The following A1CF variants were observed in gnomAD, a reference collection of about 807,000 sequenced individuals.
A1CF encodes APOBEC1 complementation factor, also known as APOBEC-1 stimulating protein.
A neutral mutation model predicts 68.9 loss-of-function variants in A1CF; 48 were observed. The ratio of observed to expected loss-of-function variants is 0.70; its 90% CI spans 0.55 to 0.89. The LOEUF (loss-of-function observed/expected upper bound fraction) is 0.89. Among genes scored for constraint, A1CF ranks in the 40% least tolerant of loss-of-function variants. The pLI is 0.00. For synonymous variants in A1CF, 272 were observed against 260.4 expected, an observed-to-expected ratio of 1.04 and a Z score of -0.43; for missense variants, 653 against 718.9, an observed-to-expected ratio of 0.91 and a Z score of 1.05.
chr10:50,806,691 GTT>G lies in A1CF; in HGVS notation c.*36_*37del. On this transcript the variant is annotated 3_prime_UTR_variant, in exon 13 of 13. Transcript: ENST00000373997. ...TTATTTCTTTTTTTTTTTTAATAGA[GTT>G]TTGTGTGTCTTATTCTTAAATTTAA... The G allele has an allele frequency of 6.6e-7, 1 of 1,521,610 alleles. No homozygotes were observed. Among genetic ancestry groups the G allele is most frequent in the Non-Finnish European group, 8.8e-7 (1 of 1,134,708 alleles). 94.3% of individuals were successfully genotyped at this position (1,521,610 alleles called of 1,614,324 possible).
chr10:50,821,514 G>A (rs116511582), intron 7 of A1CF, among the ~76,000 whole-genome samples: 384 of 151,552 alleles, frequency 2.5e-3, no homozygotes, highest in African/African-American at 9.0e-3. Context: ...AGACCTGTAT[G>A]TTGTTACATG....
chr10:50,881,612 T>C (rs951975430), intron 1 of A1CF, among the ~76,000 whole-genome samples: 6 of 152,218 alleles, frequency 3.9e-5, no homozygotes, highest in African/African-American at 7.2e-5. Flanking sequence ...TTTAAATCAA[T>C]TGGGCATCCT....
At chr10:50,812,448 C>T (rs1838161029) in intron 10 of A1CF, among the ~76,000 whole-genome samples, 1 of 152,150 alleles carries the variant, frequency 6.6e-6, no homozygotes, top group South Asian at 2.1e-4. Context: ...TACTCACATA[C>T]TAATAAAAGA....
intron 8 of A1CF, among the ~76,000 whole-genome samples, chr10:50,820,057 G>A (rs1838573504): frequency 6.6e-6 from 1 of 152,132 alleles, no homozygotes; most frequent in Non-Finnish European, 1.5e-5. Context: ...ATTGCTTTCT[G>A]TAGACAACTC....
chr10:50,809,762 T>C, intron 12 of A1CF, 132 bp downstream of exon 12: 2 of 1,360,064 alleles, frequency 1.5e-6, no homozygotes, highest in Non-Finnish European at 2.0e-6. Flanking sequence ...GAAACTCTTT[T>C]TGGTCCCAAG....
chr10:50,870,278 G>A (rs1476129556), intron 1 of A1CF, among the ~76,000 whole-genome samples: 3 of 151,788 alleles, frequency 2.0e-5, no homozygotes, highest in South Asian at 2.1e-4. Flanking sequence ...AACTAAAGAA[G>A]CTAGGAAAAG....
At chr10:50,841,809 A>C (rs1839791238) in intron 5 of A1CF, 53 bp downstream of exon 5, 7 of 1,595,516 alleles carry the variant, frequency 4.4e-6, no homozygotes, top group Non-Finnish European at 4.3e-6. Flanking sequence ...ATAGAAAAAC[A>C]GACACAGGTG....
intron 6 of A1CF, among the ~76,000 whole-genome samples, chr10:50,833,782 A>G (rs1043894370): frequency 3.3e-5 from 5 of 152,224 alleles, no homozygotes; most frequent in Admixed American, 3.3e-4. Context: ...GAGGTGAAGA[A>G]GTTTGCTCTG....
intron 5 of A1CF, 67 bp downstream of exon 5, chr10:50,841,795 C>G: frequency 6.3e-7 from 1 of 1,576,198 alleles, no homozygotes; most frequent in East Asian, 2.3e-5. Context: ...ATTAGATAAA[C>G]TTGATAGAAA....
rs1207733247 is a variant in A1CF at position 50,806,712 on chromosome 10, A to C, written c.*17T>G. The C allele has an allele frequency of 1.3e-6, 2 of 1,569,052 alleles. No homozygotes were observed. Among genetic ancestry groups the C allele is most frequent in the Non-Finnish European group, 8.6e-7 (1 of 1,162,990 alleles). On this transcript the variant is annotated 3_prime_UTR_variant, in exon 13 of 13. Coordinates refer to ENST00000373997, the MANE Select transcript of A1CF (RefSeq NM_014576.4). ...TAGAGTTTTGTGTGTCTTATTCTTA[A>C]ATTTAAAAAAGCATCTTCAGAAGGT...
chr10:50,845,299 T>C (rs1362575579), intron 3 of A1CF, among the ~76,000 whole-genome samples: 1 of 152,162 alleles, frequency 6.6e-6, no homozygotes, highest in Non-Finnish European at 1.5e-5. Flanking sequence ...CCCCAAAACC[T>C]TGGTAATTTA....
At chr10:50,845,680 A>G (rs1839966668) in intron 3 of A1CF, among the ~76,000 whole-genome samples, 2 of 152,280 alleles carry the variant, frequency 1.3e-5, no homozygotes, top group South Asian at 4.1e-4. Flanking sequence ...TTGGTCTGGC[A>G]TGGTGGCTTA....
intron 12 of A1CF, among the ~76,000 whole-genome samples, chr10:50,807,998 TG>T (rs1411733932): frequency 6.6e-6 from 1 of 152,264 alleles, no homozygotes; most frequent in East Asian, 1.9e-4. Flanking sequence ...TAGTGAAGTT[TG>T]GTCCATTTTC....
intron 5 of A1CF, among the ~76,000 whole-genome samples, chr10:50,839,728 T>G (rs187627557): frequency 2.5e-4 from 38 of 152,284 alleles, no homozygotes; most frequent in African/African-American, 8.9e-4. Flanking sequence ...CAACTGATCT[T>G]CCTGTGGCTA....
At chr10:50,808,899 A>C (rs1443168748) in intron 12 of A1CF, among the ~76,000 whole-genome samples, 1 of 152,180 alleles carries the variant, frequency 6.6e-6, no homozygotes, top group Non-Finnish European at 1.5e-5. Context: ...TTAATCAATA[A>C]GAATATCATG....
intron 1 of A1CF, among the ~76,000 whole-genome samples, chr10:50,870,906 C>T (rs996707451): frequency 1.3e-5 from 2 of 151,506 alleles, no homozygotes; most frequent in Non-Finnish European, 3.0e-5. Context: ...AAGATGGGAT[C>T]ACTACAAAAA....
At chr10:50,811,674 A>G (rs1838119469) in intron 10 of A1CF, among the ~76,000 whole-genome samples, 1 of 152,200 alleles carries the variant, frequency 6.6e-6, no homozygotes, top group South Asian at 2.1e-4. Context: ...CTTGGTATTT[A>G]TCGAGTGTTC....
chr10:50,851,440 A>G (rs1840236017), intron 3 of A1CF, among the ~76,000 whole-genome samples: 1 of 152,210 alleles, frequency 6.6e-6, no homozygotes, highest in Non-Finnish European at 1.5e-5. Flanking sequence ...TCTGTTAATT[A>G]CCTAATGACT....
At position 50,828,271 on chromosome 10, in the gene A1CF, C is replaced by T. The variant is rs1162123792; in HGVS notation, c.629G>A (p.Gly210Asp). The T allele has an allele frequency of 3.2e-6, 5 of 1,579,710 alleles. No individual in the cohort carries two copies. Among genetic ancestry groups the T allele is most frequent in the Non-Finnish European group, 4.3e-6 (5 of 1,157,330 alleles). The change falls in exon 7 of 13, where the codon GGT becomes GAT. Residue 210 changes from glycine (G) to aspartate (D), a missense_variant. Physicochemically the swap from Gly to Asp is moderately conservative, Grantham distance 94 (BLOSUM62 -1). Coordinates refer to ENST00000373997, the MANE Select transcript of A1CF (RefSeq NM_014576.4). Reference protein sequence around the residue: ...LPGRIQLWGHGIAVDWAEPEV... With the variant: ...LPGRIQLWGHDIAVDWAEPEV... ...TGGCTCTGCCCAGTCTACTGCAATACCATGTCCCCATAACTGAATTCTTCC... is the reference window on the plus strand; with the variant it reads ...TGGCTCTGCCCAGTCTACTGCAATATCATGTCCCCATAACTGAATTCTTCC...
Sources: allele counts gnomAD v4.1 joint callset (sites outside exome capture counted in the v4.1 genomes callset), GRCh38; gene constraint gnomAD v4.1.1; transcripts MANE v1.5; gene names NCBI Gene and HGNC (gene_info 2026-07-23, HGNC 2026-07-21).